The following CCDC158 variants were observed in gnomAD, a reference collection of about 807,000 sequenced individuals.
CCDC158 encodes coiled-coil domain containing 158, also known as coiled-coil domain-containing protein 158.
In CCDC158, 116 loss-of-function variants were observed where a neutral mutation model predicts 138.6. That is an observed-to-expected ratio of 0.84 (90% confidence interval 0.72 to 0.98). The LOEUF (loss-of-function observed/expected upper bound fraction) is 0.98, where lower values mean the gene tolerates loss of function less well. Ranked by LOEUF, CCDC158 falls within the 50% of genes least tolerant of loss-of-function variation. CCDC158 has a pLI of 0.00. For missense variants in CCDC158, 1,265 were observed against 1,306.1 expected, an observed-to-expected ratio of 0.97 and a Z score of 0.48; for synonymous variants, 436 against 442.4, an observed-to-expected ratio of 0.99 and a Z score of 0.18.
At position 76,403,128 on chromosome 4, in the gene CCDC158, C is replaced by T. The variant is rs374151523; in HGVS notation, c.70+10G>A. On this transcript the variant is annotated intron_variant, in intron 3 of 24. Transcript: ENST00000682701. ...TTTTTTCCCCATTTTGTTTTATAAA[C>T]AGCACATACCTCCATTAGATGTGAC... 23 of 1,582,918 alleles carry T rather than the reference C, an allele frequency of 1.5e-5. No individual in the cohort carries two copies. The African/African-American group carries it at 3.0e-4, about 21-fold the overall frequency.
At chr4:76,368,981 T>C (rs28735504) in intron 11 of CCDC158, among the ~76,000 whole-genome samples, 4,475 of 152,200 alleles carry the variant, frequency 0.029, 223 homozygotes, top group African/African-American at 0.1. Context: ...CTTGGGAGGC[T>C]GAGGTGGGCA....
At chr4:76,347,889 T>C (rs1300379352) in intron 18 of CCDC158, among the ~76,000 whole-genome samples, 1 of 152,126 alleles carries the variant, frequency 6.6e-6, no homozygotes, top group African/African-American at 2.4e-5. Context: ...CATATAATTA[T>C]CATGTGCCAA....
intron 3 of CCDC158, 113 bp downstream of exon 3, chr4:76,403,025 T>G (rs1013560210): frequency 1.3e-5 from 9 of 702,508 alleles, no homozygotes; most frequent in Non-Finnish European, 2.2e-5. Context: ...ACATTCATGA[T>G]CATGGTCTGT....
intron 24 of CCDC158, among the ~76,000 whole-genome samples, chr4:76,316,704 C>G (rs1003029315): frequency 2.6e-5 from 4 of 151,948 alleles, no homozygotes; most frequent in Non-Finnish European, 5.9e-5. Context: ...TTAAGAGCTG[C>G]AAAGTAAAAG....
intron 9 of CCDC158, chr4:76,375,507 G>A: frequency 1.4e-6 from 1 of 698,344 alleles, no homozygotes; most frequent in Non-Finnish European, 2.6e-6. Context: ...GCTCCAGCCA[G>A]TGCTACTAAA....
At chr4:76,323,547 A>T in intron 23 of CCDC158, 138 bp from the exon 24 acceptor site, 2 of 600,408 alleles carry the variant, frequency 3.3e-6, no homozygotes, top group Non-Finnish European at 5.7e-6. Flanking sequence ...AAGAGCTATA[A>T]CACTTAAAGG....
At chr4:76,358,013 ATT>A (rs764110314) in intron 13 of CCDC158, among the ~76,000 whole-genome samples, 18 of 152,212 alleles carry the variant, frequency 1.2e-4, no homozygotes, top group South Asian at 2.1e-4. Flanking sequence ...ACACACACAT[ATT>A]TATTTATATG....
At position 76,363,229 on chromosome 4, in the gene CCDC158, G is replaced by A. The variant is rs138367641; in HGVS notation, c.1831-914C>T. Among the ~76,000 whole-genome samples the A allele has an allele frequency of 2.8e-3, 419 of 152,300 alleles. 2 individuals carry two copies. The highest frequency in any genetic ancestry group is 9.1e-3 in the African/African-American group (378 of 41,546). ...AAAACCCGGGCACTGAGGCTTTAATGAGCTTCTCTGGTTAGCAGCACTTGA... is the reference window on the plus strand; with the variant it reads ...AAAACCCGGGCACTGAGGCTTTAATAAGCTTCTCTGGTTAGCAGCACTTGA... On this transcript the variant is annotated intron_variant, in intron 12 of 24. Coordinates refer to ENST00000682701, the MANE Select transcript of CCDC158 (RefSeq NM_001394954.1).
intron 3 of CCDC158, 37 bp from the exon 4 acceptor site, chr4:76,396,523 T>C (rs1303326883): frequency 1.3e-6 from 2 of 1,524,048 alleles, no homozygotes; most frequent in Admixed American, 1.8e-5. Flanking sequence ...ACTTTTCGTT[T>C]TTTTTGAGAA....
At chr4:76,382,427 T>C (rs1726349076) in intron 8 of CCDC158, among the ~76,000 whole-genome samples, 183 bp downstream of exon 8, 1 of 151,584 alleles carries the variant, frequency 6.6e-6, no homozygotes, top group Non-Finnish European at 1.5e-5. Flanking sequence ...AAAATACTTC[T>C]TATATGGTCA....
chr4:76,379,466 G>T (rs562765209), intron 8 of CCDC158, 62 bp from the exon 9 acceptor site: 30 of 915,082 alleles, frequency 3.3e-5, no homozygotes, highest in Non-Finnish European at 4.4e-5. Flanking sequence ...AGTAACACCT[G>T]AGTATTCTAG....
chr4:76,409,463 G>A (rs1032658888), intron 2 of CCDC158, among the ~76,000 whole-genome samples: 4 of 152,054 alleles, frequency 2.6e-5, no homozygotes, highest in Non-Finnish European at 4.4e-5. Flanking sequence ...ACATGCCGAA[G>A]GTCTATTATG....
chr4:76,336,656 C>T (rs921630038), intron 18 of CCDC158, among the ~76,000 whole-genome samples: 8 of 152,166 alleles, frequency 5.3e-5, no homozygotes, highest in South Asian at 2.1e-4. Context: ...GTTCTAACAC[C>T]TGGGGTCATA....
intron 1 of CCDC158, among the ~76,000 whole-genome samples, chr4:76,417,879 T>C (rs930133935): frequency 2.0e-5 from 3 of 152,094 alleles, no homozygotes; most frequent in Admixed American, 2.0e-4. Context: ...GTTCACTGAC[T>C]CCCAGTGAAG....
chr4:76,406,867 A>G (rs1728870679), intron 2 of CCDC158, among the ~76,000 whole-genome samples: 1 of 152,178 alleles, frequency 6.6e-6, no homozygotes, highest in African/African-American at 2.4e-5. Flanking sequence ...ACCTACATCA[A>G]TAAAAATGAA....
rs1358996361 is a variant in CCDC158 at position 76,325,838 on chromosome 4, G to C, written c.3169+19C>G. ...TAGGAAATCAATTAATCACGTCAAT[G>C]ATATCAGATCTTTCTTACCTTTAAC... On this transcript the variant is annotated intron_variant, in intron 23 of 24. Transcript: ENST00000682701. 1.3e-6 allele frequency: 2 copies of C among 1,595,978 alleles called. No homozygotes were observed. The highest frequency in any genetic ancestry group is 1.7e-6 in the Non-Finnish European group (2 of 1,171,476).
chr4:76,407,324 AAGT>A (rs903620717), intron 2 of CCDC158: 2 of 152,144 alleles, frequency 1.3e-5, no homozygotes, highest in African/African-American at 4.8e-5. Flanking sequence ...TTTAGGAAGT[AAGT>A]AGTAGGTAGG....
chr4:76,349,217 G>T (rs1027350034), intron 18 of CCDC158, among the ~76,000 whole-genome samples: 1 of 152,124 alleles, frequency 6.6e-6, no homozygotes, highest in African/African-American at 2.4e-5. Flanking sequence ...ATAGGTACTT[G>T]GGAAACATCA....
chr4:76,342,988 G>T (rs946556583), intron 18 of CCDC158, among the ~76,000 whole-genome samples: 1 of 152,148 alleles, frequency 6.6e-6, no homozygotes, highest in Non-Finnish European at 1.5e-5. Flanking sequence ...ATACTCAGGT[G>T]ATTACTCATT....
Sources: allele counts gnomAD v4.1 joint callset (sites outside exome capture counted in the v4.1 genomes callset), GRCh38; gene constraint gnomAD v4.1.1; transcripts MANE v1.5; gene names NCBI Gene and HGNC (gene_info 2026-07-23, HGNC 2026-07-21).